The following SHANK2 variants were observed in gnomAD, a reference collection of about 807,000 sequenced individuals.
The protein encoded by SHANK2 is SH3 and multiple ankyrin repeat domains 2, also known as SH3 and multiple ankyrin repeat domains protein 2.
SHANK2 carries 43 observed loss-of-function variants against 133.7 expected under a neutral mutation model. That is an observed-to-expected ratio of 0.32 (90% CI 0.25 to 0.41). The LOEUF (loss-of-function observed/expected upper bound fraction) is 0.41. SHANK2 is among the 10% of genes least tolerant of loss of function. The probability of loss-of-function intolerance (pLI) is 1.00; values close to 1 mark genes in which losing one functional copy is unlikely to be tolerated. For missense variants in SHANK2, 1,994 were observed against 2,235.8 expected (o/e 0.89, Z 2.18); for synonymous variants, 1,017 against 952.8 (o/e 1.07, Z -1.24).
chr11:71,163,071 T>TAAAAAAAAAAA (rs1159852026), intron 2 of SHANK2, among the ~76,000 whole-genome samples: 1 of 45,574 alleles, frequency 2.2e-5, no homozygotes, highest in Admixed American at 2.3e-4. Flanking sequence ...AGACTCTGTC[T>TAAAAAAAAAAA]AAAAAAAAAA....
chr11:70,888,194 T>C (rs1472786241), intron 11 of SHANK2, among the ~76,000 whole-genome samples: 2 of 144,620 alleles, frequency 1.4e-5, no homozygotes, highest in African/African-American at 5.1e-5. Context: ...AGCAGCACCC[T>C]GAGGTTATGG....
At chr11:70,671,452 G>A (rs1474661000) in intron 15 of SHANK2, among the ~76,000 whole-genome samples, 1 of 152,210 alleles carries the variant, frequency 6.6e-6, no homozygotes, top group African/African-American at 2.4e-5. Context: ...CCACAGTGGG[G>A]TGGGAAGCTC....
chr11:71,180,814 C>G (rs1555113655), intron 2 of SHANK2, among the ~76,000 whole-genome samples: 1 of 152,090 alleles, frequency 6.6e-6, no homozygotes, highest in African/African-American at 2.4e-5. Context: ...ACCACTCTTA[C>G]ATATACCACT....
intron 14 of SHANK2, 44 bp downstream of exon 14, chr11:70,798,399 G>C: frequency 1.4e-6 from 1 of 715,328 alleles, no homozygotes; most frequent in Non-Finnish European, 2.6e-6. Flanking sequence ...GCCTGAGATA[G>C]GCCTGCAGGA....
intron 17 of SHANK2, among the ~76,000 whole-genome samples, chr11:70,577,032 C>A (rs566512631): frequency 3.3e-5 from 5 of 152,190 alleles, no homozygotes; most frequent in Non-Finnish European, 7.3e-5. Context: ...GCACCTGCCA[C>A]GGAGGCCACG....
At chr11:70,803,846 C>T (rs1028851318) in intron 13 of SHANK2, among the ~76,000 whole-genome samples, 4 of 151,134 alleles carry the variant, frequency 2.6e-5, no homozygotes, top group Non-Finnish European at 1.5e-5. Context: ...GTGGGGGAAT[C>T]GGAACATGTA....
At chr11:71,057,282 C>T (rs1430494270) in intron 9 of SHANK2, among the ~76,000 whole-genome samples, 4 of 152,000 alleles carry the variant, frequency 2.6e-5, no homozygotes, top group East Asian at 3.9e-4. Flanking sequence ...TGCAGTGAGC[C>T]GAGATCGCAC....
At chr11:71,078,348 T>C in intron 8 of SHANK2, among the ~76,000 whole-genome samples, 1 of 152,198 alleles carries the variant, frequency 6.6e-6, no homozygotes, top group East Asian at 1.9e-4. Context: ...AAGAGAAAGC[T>C]TTTCTTTACA....
intron 2 of SHANK2, among the ~76,000 whole-genome samples, chr11:71,211,828 T>C (rs190875613): frequency 2.0e-4 from 30 of 152,126 alleles, no homozygotes; most frequent in African/African-American, 6.5e-4. Context: ...ATTCTTTTTT[T>C]CACTTCTTTT....
chr11:71,085,372 C>T (rs1466523200), intron 8 of SHANK2, among the ~76,000 whole-genome samples: 3 of 148,166 alleles, frequency 2.0e-5, no homozygotes, highest in Non-Finnish European at 4.4e-5. Context: ...AAGAGAATTG[C>T]TTGAACTCAG....
chr11:71,213,036 A>G (rs1490955609), intron 2 of SHANK2, among the ~76,000 whole-genome samples: 12 of 152,040 alleles, frequency 7.9e-5, no homozygotes, highest in African/African-American at 2.4e-4. Flanking sequence ...AGGCAAAGGA[A>G]GAGGAGCAGG....
intron 17 of SHANK2, among the ~76,000 whole-genome samples, chr11:70,595,583 G>T (rs1242763159): frequency 1.3e-5 from 2 of 152,188 alleles, no homozygotes; most frequent in Non-Finnish European, 2.9e-5. Flanking sequence ...CAGGAGAGGT[G>T]AGGGAAAGTT....
chr11:70,489,988 C>CT, intron 23 of SHANK2: 1 of 171,710 alleles, frequency 5.8e-6, no homozygotes, highest in Non-Finnish European at 1.3e-5. Flanking sequence ...CACCCTCCCG[C>CT]TTTACCCTGC....
intron 17 of SHANK2, among the ~76,000 whole-genome samples, chr11:70,618,628 C>T (rs1591656967): frequency 6.6e-6 from 1 of 152,138 alleles, no homozygotes; most frequent in Non-Finnish European, 1.5e-5. Flanking sequence ...CGAGGCATTT[C>T]AGCTTGTGAA....
Position 70,808,561 on chromosome 11 carries a change from C to CAAA in SHANK2, c.1494-1393_1494-1391dup, listed in dbSNP as rs57089863. ...GCAACATGATGAAACCCTATTTCTA[C>CAAA]AAAAAAAAAAAAAAAAAAAAAAAAT... is the stretch of plus-strand genomic sequence containing the variant. On this transcript the variant is annotated intron_variant, in intron 12 of 25. Transcript: ENST00000601538. Among the ~76,000 whole-genome samples the CAAA allele has an allele frequency of 1.4e-3, 129 of 92,716 alleles. 2 individuals carry two copies. Among genetic ancestry groups the CAAA allele is most frequent in the East Asian group, 5.3e-3 (16 of 3,044 alleles). 60.8% of individuals were successfully genotyped at this position (92,716 alleles called of 152,430 possible).
At chr11:71,193,736 A>C (rs1457271178) in intron 2 of SHANK2, among the ~76,000 whole-genome samples, 1 of 151,988 alleles carries the variant, frequency 6.6e-6, no homozygotes, top group Non-Finnish European at 1.5e-5. Flanking sequence ...ACGCTGTCCC[A>C]CGCCCCCGGA....
chr11:70,647,740 C>T (rs1342209876), intron 17 of SHANK2, among the ~76,000 whole-genome samples: 3 of 152,194 alleles, frequency 2.0e-5, no homozygotes, highest in Non-Finnish European at 4.4e-5. Context: ...TCTGTCTTAA[C>T]AAAAGGGGAC....
chr11:70,793,900 C>T (rs539233465), intron 14 of SHANK2, among the ~76,000 whole-genome samples: 28 of 152,314 alleles, frequency 1.8e-4, no homozygotes, highest in African/African-American at 6.0e-4. Context: ...TTAGCCAAAA[C>T]TGAGAAGCAA....
chr11:70,760,000 C>T (rs1397176225), intron 14 of SHANK2, among the ~76,000 whole-genome samples: 1 of 152,254 alleles, frequency 6.6e-6, no homozygotes, highest in East Asian at 1.9e-4. Flanking sequence ...CTTCCAGCCT[C>T]CAGAACTATG....
Sources: gnomAD v4.1 joint callset for allele counts (sites outside exome capture counted in the v4.1 genomes callset) on GRCh38, gnomAD v4.1.1 for gene constraint, MANE v1.5 for transcripts, NCBI Gene and HGNC (gene_info 2026-07-23, HGNC 2026-07-21) for gene names.